Variants in RBMS2 observed in about 807,000 individuals in gnomAD.
RBMS2 encodes the protein RNA binding motif single stranded interacting protein 2, also known as RNA-binding motif, single-stranded-interacting protein 2.
Under a neutral mutation model 58.4 loss-of-function variants are expected in RBMS2, and 38 were observed. That is an observed-to-expected ratio of 0.65 (90% CI 0.50 to 0.85). The LOEUF is 0.85. RBMS2 is among the 40% of genes least tolerant of loss of function. RBMS2 has a pLI of 0.00. For missense variants in RBMS2, 367 were observed against 503.7 expected (o/e 0.73, Z 2.60); for synonymous variants, 151 against 180.7 (o/e 0.84, Z 1.32).
chr12:56,584,980 T>C (rs893538854), intron 9 of RBMS2, among the ~76,000 whole-genome samples: 2 of 152,046 alleles, frequency 1.3e-5, no homozygotes, highest in Admixed American at 6.6e-5. Flanking sequence ...TATGCCACCA[T>C]GCCTGGGTAA....
chr12:56,587,552 A>G lies in RBMS2; in HGVS notation c.952-2A>G. The G allele has an allele frequency of 3.1e-6, 5 of 1,613,172 alleles. No homozygotes were observed. The highest frequency in any genetic ancestry group is 4.2e-6 in the Non-Finnish European group (5 of 1,179,544). On this transcript the variant is annotated splice_acceptor_variant, in intron 10 of 13. Coordinates refer to ENST00000262031, the MANE Select transcript of RBMS2 (RefSeq NM_002898.4). LOFTEE classifies it high-confidence loss of function. ...AACCCTGTCCTTTGTTGCTGCCTCT[A>G]GGGTTCAGTTCTGACACCAGGGATG...
chr12:56,576,294 A>G (rs1429817148), intron 5 of RBMS2, among the ~76,000 whole-genome samples: 4 of 152,162 alleles, frequency 2.6e-5, no homozygotes, highest in African/African-American at 9.7e-5. Flanking sequence ...CCAAGATCAC[A>G]CCACTGCACT....
intron 3 of RBMS2, 92 bp from the exon 4 acceptor site, chr12:56,569,807 G>A: frequency 9.1e-7 from 1 of 1,096,742 alleles, no homozygotes; most frequent in Non-Finnish European, 1.4e-6. Flanking sequence ...CTGTTACATG[G>A]ATCATAACTC....
At chr12:56,521,730 CA>C (rs3837442), upstream of RBMS2, among the ~76,000 whole-genome samples, 12 of 150,004 alleles carry the variant, frequency 8.0e-5, no homozygotes, top group East Asian at 3.9e-4. Context: ...GAAAAACAAA[CA>C]AAAAAAAACA....
intron 3 of RBMS2, 26 bp from the exon 4 acceptor site, chr12:56,569,873 T>C (rs998678694): frequency 1.9e-6 from 3 of 1,577,120 alleles, no homozygotes; most frequent in African/African-American, 1.4e-5. Context: ...TCCCACTTCC[T>C]AGTGATGCTG....
rs1046454976 is a variant in RBMS2, at chr12:56,594,013, G to A, written c.*4880G>A. The A allele has an allele frequency of 2.0e-5, 3 of 152,346 alleles. No individual in the cohort carries two copies. The highest frequency in any genetic ancestry group is 4.8e-5 in the African/African-American group (2 of 41,432). The allele number at this position is 152,346 out of a possible 1,614,324, so 9.4% of individuals were successfully genotyped here. A position where few individuals can be genotyped will look rare whatever the true frequency, so the allele number is the denominator to read the frequency against. On this transcript the variant is annotated 3_prime_UTR_variant, in exon 14 of 14. Coordinates refer to ENST00000262031, the MANE Select transcript of RBMS2 (RefSeq NM_002898.4). ...TTGCTGCTTCACAGGCCATGCGCTG[G>A]GTTGGGCCACTTCAGCTCCACTCCA...
intron 1 of RBMS2, among the ~76,000 whole-genome samples, chr12:56,539,217 A>G (rs956889571): frequency 7.9e-5 from 12 of 152,046 alleles, no homozygotes; most frequent in African/African-American, 2.2e-4. Context: ...AGGTTTCACC[A>G]TGTTGGCCAG....
chr12:56,542,012 G>A (rs1228772504), intron 1 of RBMS2, among the ~76,000 whole-genome samples: 1 of 151,814 alleles, frequency 6.6e-6, no homozygotes, highest in Admixed American at 6.6e-5. Context: ...TCTCTTGATT[G>A]GGTTCCATTT....
At chr12:56,529,012 G>C (rs1331023000) in intron 1 of RBMS2, among the ~76,000 whole-genome samples, 1 of 152,156 alleles carries the variant, frequency 6.6e-6, no homozygotes, top group Non-Finnish European at 1.5e-5. Flanking sequence ...AAATGGTACA[G>C]CTGCTTTGGA....
At chr12:56,573,150 T>A in intron 5 of RBMS2, 1 of 984,870 alleles carries the variant, frequency 1.0e-6, no homozygotes, top group Non-Finnish European at 1.2e-6. Flanking sequence ...AACACCCCCT[T>A]ACTCTGAGTG....
At chr12:56,547,697 G>C (rs1877507373) in intron 1 of RBMS2, among the ~76,000 whole-genome samples, 1 of 144,620 alleles carries the variant, frequency 6.9e-6, no homozygotes, top group Non-Finnish European at 1.5e-5. Flanking sequence ...TGCCCAGGCT[G>C]GAGTGCAATG....
In RBMS2 at chr12:56,582,267, C is replaced by T. The variant is rs992899057; in HGVS notation, c.873+115C>T. On this transcript the variant is annotated intron_variant, in intron 9 of 13. Coordinates refer to ENST00000262031, the MANE Select transcript of RBMS2 (RefSeq NM_002898.4). ...TGTTTTTCCTTTTAATCATATTACA[C>T]ACAATTTTACATAACAGCGTAAAAG... 5.6e-5 allele frequency: 48 copies of T among 853,510 alleles called. No individual in the cohort carries two copies. In the African/African-American group the frequency reaches 7.7e-4, roughly 14 times the overall value. The allele number at this position is 853,510 out of a possible 1,614,324, so 52.9% of individuals were successfully genotyped here.
At chr12:56,583,047 TA>T (rs1765699363) in intron 9 of RBMS2, among the ~76,000 whole-genome samples, 2 of 152,222 alleles carry the variant, frequency 1.3e-5, no homozygotes, top group Non-Finnish European at 2.9e-5. Context: ...GGTTGCATTA[TA>T]TTTCATGCTG....
At chr12:56,575,335 G>A (rs1426584945) in intron 5 of RBMS2, among the ~76,000 whole-genome samples, 1 of 152,098 alleles carries the variant, frequency 6.6e-6, no homozygotes, top group African/African-American at 2.4e-5. Flanking sequence ...TACCTGGGAG[G>A]CTAAGGTGGG....
At chr12:56,570,146 C>T (rs1269070355) in intron 4 of RBMS2, 156 bp downstream of exon 4, 3 of 617,830 alleles carry the variant, frequency 4.9e-6, no homozygotes, top group African/African-American at 1.9e-5. Flanking sequence ...CCCCTGGCTG[C>T]TGGAGGAAGA....
intron 8 of RBMS2, 87 bp from the exon 9 acceptor site, chr12:56,581,972 C>G: frequency 6.3e-7 from 1 of 1,578,180 alleles, no homozygotes; most frequent in Admixed American, 1.7e-5. Context: ...ATTTGAAAGT[C>G]AAGGGAACGT....
At chr12:56,543,109 A>G (rs1876446948) in intron 1 of RBMS2, among the ~76,000 whole-genome samples, 1 of 151,988 alleles carries the variant, frequency 6.6e-6, no homozygotes, top group Admixed American at 6.6e-5. Flanking sequence ...CCTGGCCTCA[A>G]TGATTCTCCT....
chr12:56,561,759 C>CA (rs1491217647), intron 1 of RBMS2, among the ~76,000 whole-genome samples: 2 of 22,140 alleles, frequency 9.0e-5, no homozygotes, highest in Admixed American at 7.1e-4. Context: ...TCGTGATCCA[C>CA]CCCCCCCCTC....
chr12:56,579,401 C>T (rs1205573502), intron 5 of RBMS2, among the ~76,000 whole-genome samples: 6 of 152,088 alleles, frequency 3.9e-5, no homozygotes, highest in African/African-American at 1.2e-4. Flanking sequence ...GAGGATGAGG[C>T]GGGCGGATCA....
Sources: allele counts gnomAD v4.1 joint callset (sites outside exome capture counted in the v4.1 genomes callset), GRCh38; gene constraint gnomAD v4.1.1; transcripts MANE v1.5; gene names NCBI Gene and HGNC (gene_info 2026-07-23, HGNC 2026-07-21).